UNC79: variants seen among roughly 807,000 people sequenced by gnomAD.
UNC79 encodes unc-79 subunit of NALCN channel complex.
Under a neutral mutation model 283.1 loss-of-function variants are expected in UNC79, and 37 were observed. The observed-to-expected ratio is 0.13, with a 90% CI of 0.10 to 0.17. The LOEUF is 0.17. UNC79 is among the 10% of genes least tolerant of loss of function. The probability of loss-of-function intolerance (pLI) is 1.00; values close to 1 mark genes in which losing one functional copy is unlikely to be tolerated. For synonymous variants in UNC79, 1,107 were observed against 1,200.2 expected (o/e 0.92, Z 1.61); for missense variants, 2,272 against 3,211.1 (o/e 0.71, Z 7.07).
downstream of UNC79, chr14:93,706,986 G>A (rs1195500022): frequency 8.6e-6 from 13 of 1,514,554 alleles, 1 homozygote; most frequent in East Asian, 6.8e-5. Flanking sequence ...CAAGCAGGTT[G>A]GGGAACATAT....
intron 40 of UNC79, among the ~76,000 whole-genome samples, chr14:93,666,126 C>T (rs2072177374): frequency 6.6e-6 from 1 of 151,594 alleles, no homozygotes; most frequent in Non-Finnish European, 1.5e-5. Flanking sequence ...ATATTATCTA[C>T]AAGAAGGACA....
intron 18 of UNC79, 37 bp downstream of exon 18, chr14:93,578,100 A>G (rs1384532998): frequency 6.3e-7 from 1 of 1,590,996 alleles, no homozygotes; most frequent in South Asian, 1.1e-5. Flanking sequence ...TTCAGAGGTG[A>G]AGAATGAGAG....
At chr14:93,555,407 T>A (rs2062118942) in intron 14 of UNC79, among the ~76,000 whole-genome samples, 1 of 152,116 alleles carries the variant, frequency 6.6e-6, no homozygotes, top group Admixed American at 6.5e-5. Flanking sequence ...CTTCCTTTTT[T>A]TTAAATTAAT....
At chr14:93,347,244 C>T in intron 1 of UNC79, 2 of 1,585,422 alleles carry the variant, frequency 1.3e-6, no homozygotes, top group Non-Finnish European at 1.7e-6. Flanking sequence ...CTGTCCACGC[C>T]TGGCTTTGTC....
At chr14:93,512,319 G>A (rs972531754) in intron 7 of UNC79, among the ~76,000 whole-genome samples, 3 of 151,974 alleles carry the variant, frequency 2.0e-5, no homozygotes, top group African/African-American at 7.2e-5. Context: ...AAGATTTTCT[G>A]TTTATTTTTG....
At chr14:93,575,035 G>A (rs1407135608) in intron 16 of UNC79, 23 bp from the exon 17 acceptor site, 4 of 1,576,376 alleles carry the variant, frequency 2.5e-6, no homozygotes, top group Non-Finnish European at 3.4e-6. Context: ...GTTTTTTGGG[G>A]GATATATGCC....
intron 1 of UNC79, among the ~76,000 whole-genome samples, chr14:93,382,336 GT>G (rs550702580): frequency 0.011 from 1,603 of 152,230 alleles, 18 homozygotes; most frequent in Middle Eastern, 0.027. Flanking sequence ...AGAGTATGTG[GT>G]AGACAAAATC....
chr14:93,351,222 A>G (rs940761177), intron 1 of UNC79, among the ~76,000 whole-genome samples: 1 of 152,208 alleles, frequency 6.6e-6, no homozygotes, highest in Non-Finnish European at 1.5e-5. Flanking sequence ...AATAATTTCT[A>G]TATTATATTC....
chr14:93,602,729 C>T (rs1328837397), intron 25 of UNC79, among the ~76,000 whole-genome samples: 1 of 152,210 alleles, frequency 6.6e-6, no homozygotes, highest in Non-Finnish European at 1.5e-5. Context: ...CAACCTCCAA[C>T]TCTTGGGCTC....
At chr14:93,539,390 G>T (rs1223099863) in intron 12 of UNC79, among the ~76,000 whole-genome samples, 1 of 151,130 alleles carries the variant, frequency 6.6e-6, no homozygotes, top group East Asian at 2.0e-4. Flanking sequence ...GCGTGTTGGC[G>T]CCTGCCTGTA....
At chr14:93,707,036 G>A (rs527318865), downstream of UNC79, 110 of 1,156,280 alleles carry the variant, frequency 9.5e-5, 1 homozygote, top group South Asian at 1.7e-3. Flanking sequence ...TAAAAGATGT[G>A]CAAAGGCCAG....
Position 93,516,458 on chromosome 14 carries a change from G to A in UNC79, c.899-7520G>A, listed in dbSNP as rs1449559159. On this transcript the variant is annotated intron_variant, in intron 7 of 48. Coordinates refer to ENST00000555664, the Ensembl canonical transcript of UNC79. ...TGCTTGGATATTTTTTTTGGGGGGG[G>A]GGGTGGGGGATGGAGTCTTACTCTG... 5.1e-5 allele frequency among the ~76,000 whole-genome samples: 6 copies of A among 116,638 alleles called. No homozygotes were observed. In the East Asian group the frequency reaches 1.4e-3, roughly 27 times the overall value. The allele number at this position is 116,638 out of a possible 152,430, so 76.5% of individuals were successfully genotyped here.
chr14:93,367,022 A>AT lies in UNC79; in HGVS notation c.-351+33506dup, dbSNP rs199979307. Among the ~76,000 whole-genome samples the AT allele has an allele frequency of 2.1e-3, 313 of 152,068 alleles. 5 individuals are homozygous for AT. The East Asian group carries it at 0.022, about 11-fold the overall frequency. On this transcript the variant is annotated intron_variant, in intron 1 of 49. Transcript: ENST00000256339. ...TGAGCCTCTTGTTTCACAGACATCTATTTTTTTCCCACAGCCCTCATCTCC... is the reference window on the plus strand; with the variant it reads ...TGAGCCTCTTGTTTCACAGACATCTATTTTTTTTCCCACAGCCCTCATCTCC...
chr14:93,372,092 G>A (rs980355172), intron 1 of UNC79, among the ~76,000 whole-genome samples: 1 of 152,066 alleles, frequency 6.6e-6, no homozygotes, highest in Non-Finnish European at 1.5e-5. Flanking sequence ...AATAATATAG[G>A]ACAGAAACTT....
chr14:93,592,200 A>C lies in UNC79; in HGVS notation c.3033-1480A>C, dbSNP rs2064739724. ...TTTTTTTTTTTTTTTTTTGAGACTG[A>C]GTCTCGCTCTGTCGCCCAGGCTGGA... On this transcript the variant is annotated intron_variant, in intron 22 of 48. Transcript: ENST00000555664. 2.5e-5 allele frequency among the ~76,000 whole-genome samples: 3 copies of C among 118,578 alleles called. No homozygotes were observed. The South Asian group carries it at 8.5e-4, about 33-fold the overall frequency. The allele number at this position is 118,578 out of a possible 152,430, so 77.8% of individuals were successfully genotyped here. A position where few individuals can be genotyped will look rare whatever the true frequency, so the allele number is the denominator to read the frequency against.
intron 1 of UNC79, among the ~76,000 whole-genome samples, chr14:93,401,199 G>A (rs74072864): frequency 0.014 from 2,078 of 152,192 alleles, 53 homozygotes; most frequent in African/African-American, 0.047. Flanking sequence ...AATTGTTGTC[G>A]AAGCACAGGA....
intron 6 of UNC79, 25 bp downstream of exon 6, chr14:93,496,491 C>T: frequency 1.3e-6 from 2 of 1,486,808 alleles, no homozygotes; most frequent in Non-Finnish European, 1.8e-6. Flanking sequence ...AAATTTAACC[C>T]ATAGTCACAA....
intron 10 of UNC79, among the ~76,000 whole-genome samples, chr14:93,530,221 G>A (rs1032072273): frequency 3.3e-5 from 5 of 151,718 alleles, no homozygotes; most frequent in Non-Finnish European, 5.9e-5. Context: ...CTTGTAAAAT[G>A]GAGCAATAAT....
At chr14:93,680,427 G>T (rs1053206976) in intron 41 of UNC79, among the ~76,000 whole-genome samples, 1 of 152,192 alleles carries the variant, frequency 6.6e-6, no homozygotes, top group African/African-American at 2.4e-5. Context: ...CCCTTACCTC[G>T]CATAGTAGAT....
Sources: gnomAD v4.1 joint callset for allele counts (sites outside exome capture counted in the v4.1 genomes callset) on GRCh38, gnomAD v4.1.1 for gene constraint, MANE v1.5 for transcripts, NCBI Gene and HGNC (gene_info 2026-07-23, HGNC 2026-07-21) for gene names.